The following USP10 variants were observed in gnomAD, a reference collection of about 807,000 sequenced individuals.
USP10 encodes ubiquitin specific peptidase 10, also known as ubiquitin carboxyl-terminal hydrolase 10.
USP10 carries 22 observed loss-of-function variants against 84.5 expected under a neutral mutation model. The ratio of observed to expected loss-of-function variants is 0.26; its 90% CI spans 0.19 to 0.37. USP10 has a LOEUF of 0.37. USP10 is among the 10% of genes least tolerant of loss of function. The pLI is 1.00. For synonymous variants in USP10, 454 were observed against 387.6 expected (o/e 1.17, Z -2.01); for missense variants, 1,019 against 998.9 (o/e 1.02, Z -0.27).
chr16:84,753,930 A>G (rs928844479), intron 4 of USP10, among the ~76,000 whole-genome samples: 1 of 152,172 alleles, frequency 6.6e-6, no homozygotes, highest in African/African-American at 2.4e-5. Context: ...GGGAGAAGTG[A>G]TCATTGGCAG....
chr16:84,745,411 A>G lies in USP10; in HGVS notation c.930A>G (p.Ile310Met). ...TGGAGTTGCACACCACGGAAAGCATAGACTTGGACCCAACCAAACCCGAGA... is the reference window on the plus strand; with the variant it reads ...TGGAGTTGCACACCACGGAAAGCATGGACTTGGACCCAACCAAACCCGAGA... ...NGVELHTTES[I>M]DLDPTKPESA... The change falls in exon 4 of 14, where the codon ATA becomes ATG. Residue 310 changes from isoleucine (I) to methionine (M), a missense_variant. Coordinates refer to ENST00000219473, the MANE Select transcript of USP10 (RefSeq NM_005153.3). 1 of 1,613,720 alleles carries G rather than the reference A, an allele frequency of 6.2e-7. No individual in the cohort carries two copies. The highest frequency in any genetic ancestry group is 1.1e-5 in the South Asian group (1 of 91,062).
intron 12 of USP10, among the ~76,000 whole-genome samples, chr16:84,773,564 A>G (rs1914670722): frequency 6.6e-6 from 1 of 152,194 alleles, no homozygotes; most frequent in South Asian, 2.1e-4. Flanking sequence ...TGTCTCTCCC[A>G]GGCCTGCACA....
chr16:84,748,633 G>T (rs185591783), intron 4 of USP10, among the ~76,000 whole-genome samples: 1 of 152,166 alleles, frequency 6.6e-6, no homozygotes, highest in African/African-American at 2.4e-5. Context: ...TTCTAAAATT[G>T]CTCCACAAAG....
At chr16:84,704,768 G>C in intron 1 of USP10, 1 of 1,535,176 alleles carries the variant, frequency 6.5e-7, no homozygotes, top group Non-Finnish European at 8.7e-7. Flanking sequence ...ATTTTCATCA[G>C]ATGACTTGAG....
At chr16:84,714,055 G>T (rs966858792) in intron 1 of USP10, among the ~76,000 whole-genome samples, 3 of 152,214 alleles carry the variant, frequency 2.0e-5, no homozygotes, top group Non-Finnish European at 4.4e-5. Context: ...CACCAGAATA[G>T]TAAGGTTCAG....
At chr16:84,737,511 A>G (rs563379269) in intron 2 of USP10, among the ~76,000 whole-genome samples, 5 of 152,302 alleles carry the variant, frequency 3.3e-5, no homozygotes, top group South Asian at 4.1e-4. Flanking sequence ...GTGCCTGTGG[A>G]ATAAAACACA....
chr16:84,772,178 G>A (rs244564), intron 11 of USP10, among the ~76,000 whole-genome samples: 127,279 of 152,020 alleles, frequency 0.84, 53,352 homozygotes, highest in Non-Finnish European at 0.85. Context: ...CTGCCACCCA[G>A]GTAGCTGGGG....
At chr16:84,703,798 C>T (rs1450381243) in intron 1 of USP10, among the ~76,000 whole-genome samples, 2 of 152,178 alleles carry the variant, frequency 1.3e-5, no homozygotes, top group East Asian at 3.8e-4. Context: ...TACAGATGGC[C>T]TGAGCAGCCG....
chr16:84,719,426 A>C (rs1249635795), intron 1 of USP10, among the ~76,000 whole-genome samples: 2 of 152,128 alleles, frequency 1.3e-5, no homozygotes, highest in South Asian at 4.1e-4. Flanking sequence ...TCACACAGGA[A>C]GTGTTTAAAA....
At chr16:84,714,952 TG>T (rs113748159) in intron 1 of USP10, among the ~76,000 whole-genome samples, 149 of 150,194 alleles carry the variant, frequency 9.9e-4, no homozygotes, top group Middle Eastern at 3.4e-3. Flanking sequence ...TTTTTTGAGA[TG>T]GAGTCTTGCT....
intron 3 of USP10, among the ~76,000 whole-genome samples, chr16:84,742,493 C>A (rs143509206): frequency 1.5e-3 from 225 of 152,330 alleles, no homozygotes; most frequent in African/African-American, 5.1e-3. Flanking sequence ...CGCCCCCTGC[C>A]TTGTAGTCCA....
chr16:84,771,727 A>G (rs1464479052), intron 11 of USP10, among the ~76,000 whole-genome samples: 1 of 151,792 alleles, frequency 6.6e-6, no homozygotes, highest in African/African-American at 2.4e-5. Context: ...AATTAGCCAG[A>G]TGTGGTGGTG....
intron 1 of USP10, among the ~76,000 whole-genome samples, chr16:84,724,161 C>T (rs1000767519): frequency 2.0e-5 from 3 of 152,140 alleles, no homozygotes; most frequent in African/African-American, 7.2e-5. Context: ...CTATTTAGTA[C>T]TAGTTAAGAG....
chr16:84,736,122 C>T (rs184130841), intron 2 of USP10, among the ~76,000 whole-genome samples: 39 of 150,526 alleles, frequency 2.6e-4, no homozygotes, highest in Non-Finnish European at 4.7e-4. Flanking sequence ...GTCACTTCTA[C>T]AGCACAGTTT....
chr16:84,716,780 T>C (rs1004635664), intron 1 of USP10, among the ~76,000 whole-genome samples: 10 of 152,202 alleles, frequency 6.6e-5, no homozygotes, highest in African/African-American at 2.2e-4. Flanking sequence ...AGAGTGAAGA[T>C]TCTACCTTTA....
chr16:84,702,169 G>A (rs1207116139), intron 1 of USP10, among the ~76,000 whole-genome samples: 1 of 146,174 alleles, frequency 6.8e-6, no homozygotes, highest in Non-Finnish European at 1.5e-5. Flanking sequence ...CGATTCTCCT[G>A]CCTCAGCCTC....
At chr16:84,774,975 A>G (rs77077751) in intron 12 of USP10, among the ~76,000 whole-genome samples, 185 bp from the exon 13 acceptor site, 5 of 152,170 alleles carry the variant, frequency 3.3e-5, no homozygotes, top group Non-Finnish European at 5.9e-5. Context: ...TTTGTGTCCT[A>G]TTACGTCACA....
intron 8 of USP10, among the ~76,000 whole-genome samples, chr16:84,762,783 T>C (rs1490864770): frequency 6.6e-6 from 1 of 152,002 alleles, no homozygotes; most frequent in African/African-American, 2.4e-5. Context: ...CATTTAGAGA[T>C]ATGTGTTTAG....
At chr16:84,725,120 A>G (rs887236623) in intron 1 of USP10, among the ~76,000 whole-genome samples, 2 of 152,226 alleles carry the variant, frequency 1.3e-5, no homozygotes, top group African/African-American at 4.8e-5. Context: ...TTTGCAGCTA[A>G]CACCGTAGTC....
Sources: allele counts gnomAD v4.1 joint callset (sites outside exome capture counted in the v4.1 genomes callset), GRCh38; gene constraint gnomAD v4.1.1; transcripts MANE v1.5; gene names NCBI Gene and HGNC (gene_info 2026-07-23, HGNC 2026-07-21).